The following IQCB1 variants were observed in gnomAD, a reference collection of about 807,000 sequenced individuals.
The protein encoded by IQCB1 is IQ calmodulin-binding motif-containing protein 1.
IQCB1 carries 56 observed loss-of-function variants against 84.4 expected under a neutral mutation model. The ratio of observed to expected loss-of-function variants is 0.66; its 90% CI spans 0.54 to 0.83. The LOEUF is 0.83. IQCB1 is among the 40% of genes least tolerant of loss of function. The pLI, the probability that IQCB1 is intolerant of heterozygous loss-of-function variation, is 0.00. For missense variants in IQCB1, 629 were observed against 682.1 expected (o/e 0.92, Z 0.87); for synonymous variants, 210 against 234.8 (o/e 0.89, Z 0.96).
At chr3:121,804,745 A>T (rs758041372) in intron 7 of IQCB1, among the ~76,000 whole-genome samples, 1 of 152,014 alleles carries the variant, frequency 6.6e-6, no homozygotes, top group Non-Finnish European at 1.5e-5. Context: ...TTGCATCTGC[A>T]TGTTTATAGT....
chr3:121,826,130 T>C lies in IQCB1; in HGVS notation c.314A>G (p.Asn105Ser), dbSNP rs1950458495. Residue 105 changes from asparagine (N) to serine (S), a missense_variant, in exon 5 of 15, where the codon AAT becomes AGT. Transcript: ENST00000310864. ...TTCTGCAGCTGATGGAAGTAATTCA[T>C]TGTAAAATTCCTCTGCATCTTCTCC... ...EPGEDAEEFYNELLPSAAENF... is the reference protein window; with the variant it reads ...EPGEDAEEFYSELLPSAAENF... 2.5e-6 allele frequency: 4 copies of C among 1,613,364 alleles called. No individual in the cohort carries two copies. In the African/African-American group the frequency reaches 4.0e-5, roughly 16 times the overall value.
At chr3:121,799,397 A>C (rs754107895) in intron 7 of IQCB1, 23 bp from the exon 8 acceptor site, 195 of 1,410,398 alleles carry the variant, frequency 1.4e-4, no homozygotes, top group Non-Finnish European at 8.9e-6. Flanking sequence ...AATAAAAAAA[A>C]AAGTACCATT....
chr3:121,780,819 G>GA (rs1948440735), intron 13 of IQCB1, among the ~76,000 whole-genome samples: 1 of 152,058 alleles, frequency 6.6e-6, no homozygotes, highest in Non-Finnish European at 1.5e-5. Context: ...CAGTTATCCA[G>GA]AACCTTCAAA....
At chr3:121,830,868 T>G (rs189366433) in intron 2 of IQCB1, among the ~76,000 whole-genome samples, 1 of 152,350 alleles carries the variant, frequency 6.6e-6, no homozygotes, top group South Asian at 2.1e-4. Context: ...CTGGAAGGAA[T>G]GCTGAACAGA....
chr3:121,783,667 G>A (rs989292282), intron 12 of IQCB1, among the ~76,000 whole-genome samples: 5 of 151,794 alleles, frequency 3.3e-5, no homozygotes, highest in Admixed American at 6.6e-5. Flanking sequence ...ACATTTTCTC[G>A]AGCTTCCTGA....
At chr3:121,831,206 C>T (rs574910078) in intron 2 of IQCB1, among the ~76,000 whole-genome samples, 1 of 130,338 alleles carries the variant, frequency 7.7e-6, no homozygotes, top group South Asian at 2.3e-4. Context: ...GGATCTCACT[C>T]CTGTTGCCCA....
chr3:121,781,664 A>C (rs541490131), intron 13 of IQCB1, 79 bp downstream of exon 13: 16 of 964,228 alleles, frequency 1.7e-5, no homozygotes, highest in Non-Finnish European at 2.5e-5. Context: ...CACACACACA[A>C]TATATGTGTG....
At chr3:121,803,742 T>G (rs1014093034) in intron 7 of IQCB1, among the ~76,000 whole-genome samples, 1 of 152,192 alleles carries the variant, frequency 6.6e-6, no homozygotes, top group Non-Finnish European at 1.5e-5. Context: ...GTAACTTACT[T>G]TATCTGATAC....
At chr3:121,783,383 C>T (rs1948583370) in intron 12 of IQCB1, among the ~76,000 whole-genome samples, 1 of 151,882 alleles carries the variant, frequency 6.6e-6, no homozygotes, top group Non-Finnish European at 1.5e-5. Context: ...GTTTCTACTC[C>T]CCATCCATCC....
intron 5 of IQCB1, among the ~76,000 whole-genome samples, chr3:121,812,623 T>C (rs1949872531): frequency 6.6e-6 from 1 of 152,110 alleles, no homozygotes; most frequent in African/African-American, 2.4e-5. Context: ...TCATGAAGCA[T>C]ACACAAGTAT....
At chr3:121,815,491 T>C (rs1207593601) in intron 5 of IQCB1, among the ~76,000 whole-genome samples, 2 of 152,188 alleles carry the variant, frequency 1.3e-5, no homozygotes, top group African/African-American at 4.8e-5. Flanking sequence ...ATGATATGAC[T>C]GTATATTTAG....
chr3:121,828,512 T>G lies in IQCB1; in HGVS notation c.221A>C (p.Gln74Pro), dbSNP rs770903901. The G allele has an allele frequency of 6.2e-7, 1 of 1,613,224 alleles. No individual in the cohort carries two copies. The highest frequency in any genetic ancestry group is 8.5e-7 in the Non-Finnish European group (1 of 1,179,274). The change falls in exon 4 of 15, where the codon CAG (glutamine) becomes CCG (proline). Residue 74 changes from glutamine (Q) to proline (P), a missense_variant. Coordinates refer to ENST00000310864, the MANE Select transcript of IQCB1 (RefSeq NM_001023570.4). ...LVLSQDYSRIQGGWTTISQLT... is the reference protein window; with the variant it reads ...LVLSQDYSRIPGGWTTISQLT... Reference sequence around the variant, plus strand: ...CTGGGAAATTGTAGTCCAACCACCCTGGATTCGAGAATAATCTTGACTGAG... The same window carrying G: ...CTGGGAAATTGTAGTCCAACCACCCGGGATTCGAGAATAATCTTGACTGAG...
intron 10 of IQCB1, among the ~76,000 whole-genome samples, chr3:121,793,899 G>C (rs1949085320): frequency 2.0e-5 from 3 of 152,104 alleles, no homozygotes; most frequent in Non-Finnish European, 4.4e-5. Flanking sequence ...AGCAAATTTG[G>C]GAACTCTTGT....
chr3:121,781,355 CTG>C (rs1948484773), intron 13 of IQCB1, among the ~76,000 whole-genome samples: 1 of 152,096 alleles, frequency 6.6e-6, no homozygotes, highest in Non-Finnish European at 1.5e-5. Flanking sequence ...TTATTGGCTT[CTG>C]GAGGTACATT....
chr3:121,825,176 T>C (rs1258859537), intron 5 of IQCB1, among the ~76,000 whole-genome samples: 1 of 151,396 alleles, frequency 6.6e-6, no homozygotes. Context: ...TCCTCCTGCC[T>C]CAGCCTCCCA....
At position 121,828,599 on chromosome 3, in the gene IQCB1, T is replaced by C. The variant is rs1281331191; in HGVS notation, c.134A>G (p.Glu45Gly). 9.4e-6 allele frequency: 15 copies of C among 1,603,236 alleles called. No individual in the cohort carries two copies. Among genetic ancestry groups the C allele is most frequent in the Non-Finnish European group, 1.3e-5 (15 of 1,170,446 alleles). The change falls in exon 4 of 15, where the codon GAG (glutamate) becomes GGG (glycine). Residue 45 changes from glutamate (E) to glycine (G), a missense_variant. Physicochemically the swap from Glu to Gly is moderately conservative, Grantham distance 98. Transcript: ENST00000310864. ...TATATCTTGTTTGATTTTCTTCAACTCTGAGCTTCCTAAAGGTGTGATGTT... is the reference window on the plus strand; with the variant it reads ...TATATCTTGTTTGATTTTCTTCAACCCTGAGCTTCCTAAAGGTGTGATGTT... ...IINITPLGSS[E>G]LKKIKQDIYC...
intron 7 of IQCB1, among the ~76,000 whole-genome samples, chr3:121,805,881 G>A (rs753924743): frequency 6.6e-6 from 1 of 152,028 alleles, no homozygotes; most frequent in Non-Finnish European, 1.5e-5. Flanking sequence ...ATTCTGACTT[G>A]TGAACTCTAG....
rs1373905023 is a variant in IQCB1 at position 121,799,340 on chromosome 3, A to G, written c.622T>C (p.Tyr208His). 4 of 1,600,232 alleles carry G rather than the reference A, an allele frequency of 2.5e-6. No homozygotes were observed. The highest frequency in any genetic ancestry group is 1.7e-5 in the Admixed American group (1 of 59,538). Reference protein sequence around the residue: ...DLLRIGRKALYSILDEVIFKL... With the variant: ...DLLRIGRKALHSILDEVIFKL... ...AAAATAACTTCATCTAAAATTGAAT[A>G]CAGGGCTTTTCTTCCTATTCTGAGT... The change falls in exon 8 of 15, where the codon TAT becomes CAT. Residue 208 changes from tyrosine (Y) to histidine (H), a missense_variant. Transcript: ENST00000310864.
chr3:121,785,762 A>G (rs1030608522), intron 12 of IQCB1, among the ~76,000 whole-genome samples: 1 of 152,204 alleles, frequency 6.6e-6, no homozygotes, highest in African/African-American at 2.4e-5. Flanking sequence ...GGTATTTTAC[A>G]CTTACAACAC....
Sources: allele counts gnomAD v4.1 joint callset (sites outside exome capture counted in the v4.1 genomes callset), GRCh38; gene constraint gnomAD v4.1.1; transcripts MANE v1.5; gene names NCBI Gene and HGNC (gene_info 2026-07-23, HGNC 2026-07-21).